The following MAP4K5 variants were observed in gnomAD, a reference collection of about 807,000 sequenced individuals.
MAP4K5 encodes the protein mitogen-activated protein kinase kinase kinase kinase 5, also known as MAPK/ERK kinase kinase kinase 5.
MAP4K5 carries 82 observed loss-of-function variants against 135.6 expected under a neutral mutation model. The observed-to-expected ratio is 0.60, with a 90% CI of 0.51 to 0.73. The LOEUF is 0.73. Among genes scored for constraint, MAP4K5 ranks in the 30% least tolerant of loss-of-function variants. MAP4K5 has a pLI of 0.00. For synonymous variants in MAP4K5, 347 were observed against 335.0 expected (o/e 1.04, Z -0.39); for missense variants, 907 against 1,010.9 (o/e 0.90, Z 1.39).
chr14:50,476,339 T>A, intron 6 of MAP4K5, 33 bp from the exon 7 acceptor site: 1 of 1,061,120 alleles, frequency 9.4e-7, no homozygotes, highest in Non-Finnish European at 1.3e-6. Flanking sequence ...AAAGAATGTA[T>A]CAGCAAAACT....
At chr14:50,521,570 G>A (rs1222960853) in intron 2 of MAP4K5, among the ~76,000 whole-genome samples, 1 of 152,136 alleles carries the variant, frequency 6.6e-6, no homozygotes, top group Non-Finnish European at 1.5e-5. Flanking sequence ...ATTATCGTGT[G>A]AAACAAATCA....
chr14:50,478,177 A>G (rs989682562), intron 6 of MAP4K5, among the ~76,000 whole-genome samples: 3 of 152,150 alleles, frequency 2.0e-5, no homozygotes. Context: ...GAAACTGCCC[A>G]TTTTATTGGC....
intron 21 of MAP4K5, among the ~76,000 whole-genome samples, chr14:50,441,559 A>C (rs935148801): frequency 2.6e-5 from 4 of 152,060 alleles, no homozygotes; most frequent in Non-Finnish European, 4.4e-5. Context: ...ACACTAAAAG[A>C]GACTAAATAA....
intron 1 of MAP4K5, among the ~76,000 whole-genome samples, chr14:50,549,409 T>C (rs1292694160): frequency 6.6e-6 from 1 of 152,078 alleles, no homozygotes; most frequent in African/African-American, 2.4e-5. Context: ...CCTAGAAGGG[T>C]TCCCTCTGCA....
chr14:50,452,973 C>T (rs1011673412), intron 14 of MAP4K5, among the ~76,000 whole-genome samples: 1 of 152,144 alleles, frequency 6.6e-6, no homozygotes, highest in Non-Finnish European at 1.5e-5. Context: ...CACATTTCCC[C>T]CCACTTTTTG....
intron 30 of MAP4K5, among the ~76,000 whole-genome samples, chr14:50,426,189 C>A (rs1036075566): frequency 6.6e-6 from 1 of 152,072 alleles, no homozygotes; most frequent in Non-Finnish European, 1.5e-5. Context: ...TTCAAAGATA[C>A]ATATAAAAGC....
At chr14:50,458,012 C>T (rs1025246110) in intron 13 of MAP4K5, among the ~76,000 whole-genome samples, 3 of 152,166 alleles carry the variant, frequency 2.0e-5, no homozygotes, top group African/African-American at 4.8e-5. Context: ...GAAAATTACA[C>T]AGCAGAACAC....
chr14:50,468,648 C>G lies in MAP4K5; in HGVS notation c.674+3G>C. 3 of 1,612,530 alleles carry G rather than the reference C, an allele frequency of 1.9e-6. No individual in the cohort carries two copies. Among genetic ancestry groups the G allele is most frequent in the Non-Finnish European group, 2.5e-6 (3 of 1,178,930 alleles). The stretch of plus-strand genomic sequence containing the variant: ...ACTGGATAATTATAAATAATGAGAA[C>G]ACCTCATTGGGTGGAGATCAAACAT... On this transcript the variant is annotated splice_donor_region_variant and intron_variant, in intron 10 of 32. Transcript: ENST00000682126.
intron 1 of MAP4K5, among the ~76,000 whole-genome samples, chr14:50,553,684 A>C (rs2038731281): frequency 1.3e-5 from 2 of 152,214 alleles, no homozygotes; most frequent in African/African-American, 2.4e-5. Flanking sequence ...CACAATTACA[A>C]AGATATGGAA....
In MAP4K5 at chr14:50,426,598, C is replaced by T. The variant is rs144668602; in HGVS notation, c.2327-621G>A. On this transcript the variant is annotated intron_variant, in intron 30 of 32. Transcript: ENST00000682126. The stretch of plus-strand genomic sequence containing the variant: ...AATTAGCCAGGTGTGGTGGCCTGTG[C>T]CTGTAGCCCCAGCTACTCAGGACGC... Among the ~76,000 whole-genome samples, 35 of 152,254 alleles carry T rather than the reference C, an allele frequency of 2.3e-4. 1 individual carries two copies. In the East Asian group the frequency reaches 5.0e-3, roughly 22 times the overall value.
intron 20 of MAP4K5, 25 bp downstream of exon 20, chr14:50,443,704 T>C (rs2036278637): frequency 1.3e-6 from 2 of 1,569,758 alleles, no homozygotes; most frequent in Non-Finnish European, 1.7e-6. Flanking sequence ...AAACGGCAAA[T>C]AGTTCACATA....
At chr14:50,549,512 C>T (rs1324113227) in intron 1 of MAP4K5, among the ~76,000 whole-genome samples, 2 of 152,174 alleles carry the variant, frequency 1.3e-5, no homozygotes, top group Non-Finnish European at 2.9e-5. Context: ...AAAGGCATAC[C>T]TTAACCTGTG....
intron 9 of MAP4K5, among the ~76,000 whole-genome samples, chr14:50,473,567 A>G (rs1298661887): frequency 6.6e-6 from 1 of 152,066 alleles, no homozygotes; most frequent in African/African-American, 2.4e-5. Flanking sequence ...TTGCCTTTTA[A>G]TTTTGTTTAA....
At position 50,419,664 on chromosome 14, in the gene MAP4K5, AT is replaced by A; in HGVS notation, c.*354del. 5.4e-6 allele frequency: 1 copy of A among 186,038 alleles called. No homozygotes were observed. The highest frequency in any genetic ancestry group is 1.1e-5 in the Non-Finnish European group (1 of 87,844). The allele number at this position is 186,038 out of a possible 1,614,324, so 11.5% of individuals were successfully genotyped here. A position where few individuals can be genotyped will look rare whatever the true frequency, so the allele number is the denominator to read the frequency against. On this transcript the variant is annotated 3_prime_UTR_variant, in exon 33 of 33. Coordinates refer to ENST00000682126, the MANE Select transcript of MAP4K5 (RefSeq NM_006575.6). ...AAGAAGGAATAAGACATGATATAAA[AT>A]GATCACTAAATTTACCTCTCTTAAG...
chr14:50,503,266 T>G (rs1253229414), intron 3 of MAP4K5, among the ~76,000 whole-genome samples: 5 of 152,034 alleles, frequency 3.3e-5, no homozygotes, highest in African/African-American at 1.2e-4. Flanking sequence ...AAAAAATTTT[T>G]AAATGGCCAA....
chr14:50,513,126 C>T (rs1235245038), intron 2 of MAP4K5, among the ~76,000 whole-genome samples: 4 of 152,132 alleles, frequency 2.6e-5, no homozygotes, highest in Non-Finnish European at 4.4e-5. Flanking sequence ...AAAAGATAAA[C>T]TCATAATGAA....
intron 3 of MAP4K5, among the ~76,000 whole-genome samples, chr14:50,487,807 G>A (rs542349346): frequency 9.2e-5 from 14 of 152,114 alleles, no homozygotes; most frequent in African/African-American, 2.4e-4. Flanking sequence ...GTTCACTCGC[G>A]GGCACCAGAA....
intron 10 of MAP4K5, among the ~76,000 whole-genome samples, chr14:50,467,444 T>C (rs1196527318): frequency 1.3e-5 from 2 of 152,154 alleles, no homozygotes; most frequent in East Asian, 3.8e-4. Context: ...TTAGTCTTTA[T>C]CTAAATGCTT....
At chr14:50,483,072 T>A (rs1160469758) in intron 5 of MAP4K5, 1 of 152,118 alleles carries the variant, frequency 6.6e-6, no homozygotes, top group African/African-American at 2.4e-5. Context: ...AATAAAGAAA[T>A]ACATATAACT....
Sources: allele counts gnomAD v4.1 joint callset (sites outside exome capture counted in the v4.1 genomes callset), GRCh38; gene constraint gnomAD v4.1.1; transcripts MANE v1.5; gene names NCBI Gene and HGNC (gene_info 2026-07-23, HGNC 2026-07-21).